Variants in FIG4 observed in about 807,000 individuals in gnomAD.
FIG4 encodes the protein FIG4 phosphoinositide 5-phosphatase.
In FIG4, 112 loss-of-function variants were observed where a neutral mutation model predicts 118.6. The ratio of observed to expected loss-of-function variants is 0.94; its 90% confidence interval spans 0.81 to 1.11. The LOEUF is 1.11. Among genes scored for constraint, FIG4 ranks in the 50% least tolerant of loss-of-function variants. The pLI is 0.00. For missense variants in FIG4, 969 were observed against 1,111.7 expected, an observed-to-expected ratio of 0.87 and a Z score of 1.83; for synonymous variants, 369 against 381.2, an observed-to-expected ratio of 0.97 and a Z score of 0.37.
rs1322802191 is a variant in FIG4 at position 109,822,783 on chromosome 6, GTATGTA to G, written c.2547-2301_2547-2296del. ...GAAGTGTATATATATGTGTGTGTGT[GTATGTA>G]TATATATATATATATATATATATAT... is the stretch of plus-strand genomic sequence containing the variant. On this transcript the variant is annotated intron_variant, in intron 22 of 22. Transcript: ENST00000230124. 2.1e-4 allele frequency among the ~76,000 whole-genome samples: 25 copies of G among 120,680 alleles called. 1 individual carries two copies. Among genetic ancestry groups the G allele is most frequent in the African/African-American group, 7.8e-4 (22 of 28,288 alleles). The allele number at this position is 120,680 out of a possible 152,430, so 79.2% of individuals were successfully genotyped here. A position where few individuals can be genotyped will look rare whatever the true frequency, so the allele number is the denominator to read the frequency against.
In FIG4 at chr6:109,792,669, G is replaced by A. The variant is rs367944508; in HGVS notation, c.2459+5G>A. On this transcript the variant is annotated splice_donor_5th_base_variant and intron_variant, in intron 21 of 22. Coordinates refer to ENST00000230124, the MANE Select transcript of FIG4 (RefSeq NM_014845.6). Reference sequence around the variant, plus strand: ...AGATTTCTCCATTTATTCAAGGTGAGATACTTTCATGTAGATATTAAAGAA... The same window carrying A: ...AGATTTCTCCATTTATTCAAGGTGAAATACTTTCATGTAGATATTAAAGAA... 97 of 1,473,546 alleles carry A rather than the reference G, an allele frequency of 6.6e-5. 1 individual carries two copies. The African/African-American group carries it at 1.3e-3, about 20-fold the overall frequency. 91.3% of individuals were successfully genotyped at this position (1,473,546 alleles called of 1,614,324 possible).
At position 109,756,669 on chromosome 6, in the gene FIG4, G is replaced by A. The variant is rs181021765; in HGVS notation, c.1138-3581G>A. Among the ~76,000 whole-genome samples the A allele has an allele frequency of 6.1e-3, 924 of 151,934 alleles. 7 individuals carry two copies. The highest frequency in any genetic ancestry group is 0.034 in the East Asian group (174 of 5,180). On this transcript the variant is annotated intron_variant, in intron 10 of 22. Coordinates refer to ENST00000230124, the MANE Select transcript of FIG4 (RefSeq NM_014845.6). ...CTTTTTTCTCTAAACTTCCCTTCTC[G>A]CTTCATTTCATTCATTTCATCTTCC...
At chr6:109,753,216 A>G (rs1314632585) in intron 10 of FIG4, among the ~76,000 whole-genome samples, 1 of 152,156 alleles carries the variant, frequency 6.6e-6, no homozygotes, top group Non-Finnish European at 1.5e-5. Flanking sequence ...TTCCGAGATC[A>G]GACGAGATCG....
chr6:109,802,367 A>G (rs907154087), intron 22 of FIG4, among the ~76,000 whole-genome samples: 33 of 152,208 alleles, frequency 2.2e-4, no homozygotes, highest in African/African-American at 7.2e-4. Context: ...CCTGCCATAC[A>G]TATTCTAGGT....
chr6:109,791,438 C>T lies in FIG4; in HGVS notation c.2243C>T (p.Pro748Leu). ...QRKTAASAPP[P>L]PSEEAVSSSS... ...AAAACGGCAGCCAGCGCCCCGCCGC[C>T]CCCCAGCGAGGAGGCTGTGTCCAGC... Residue 748 changes from proline (P) to leucine (L), a missense_variant, in exon 20 of 23, where the codon CCC becomes CTC. Pro to Leu is a moderately conservative substitution (Grantham distance 98). Coordinates refer to ENST00000230124, the MANE Select transcript of FIG4 (RefSeq NM_014845.6). 6.2e-7 allele frequency: 1 copy of T among 1,613,780 alleles called. No individual in the cohort carries two copies. The highest frequency in any genetic ancestry group is 8.5e-7 in the Non-Finnish European group (1 of 1,180,002).
intron 3 of FIG4, among the ~76,000 whole-genome samples, chr6:109,719,495 T>C (rs749127504): frequency 5.9e-5 from 9 of 152,024 alleles, no homozygotes; most frequent in Admixed American, 2.0e-4. Context: ...ATGATCTACC[T>C]GCCTCAGGCT....
rs1414480048 is a variant in FIG4, at chr6:109,760,399, C to T, written c.1271+16C>T. On this transcript the variant is annotated intron_variant, in intron 11 of 22. Transcript: ENST00000230124. ...ATACCAAAAGGTGAATGATACTCAT[C>T]TGTCTGGCTATGATCGTTTCCTTTT... 1 of 1,605,610 alleles carries T rather than the reference C, an allele frequency of 6.2e-7. No individual in the cohort carries two copies. Among genetic ancestry groups the T allele is most frequent in the African/African-American group, 1.3e-5 (1 of 74,632 alleles).
intron 19 of FIG4, among the ~76,000 whole-genome samples, chr6:109,790,806 GT>G (rs911310628): frequency 2.7e-5 from 4 of 149,450 alleles, no homozygotes; most frequent in Non-Finnish European, 5.9e-5. Context: ...TAAGTGTAGG[GT>G]TTTCCCCCCT....
At chr6:109,723,242 C>T (rs1187689005) in intron 3 of FIG4, among the ~76,000 whole-genome samples, 1 of 151,914 alleles carries the variant, frequency 6.6e-6, no homozygotes, top group African/African-American at 2.4e-5. Flanking sequence ...GAAGTGTCAC[C>T]TCTTCCCCAC....
rs113357544 is a variant in FIG4, at chr6:109,749,055, C to CTGTGTGTGTGTGTG, written c.1137+5319_1137+5332dup. On this transcript the variant is annotated intron_variant, in intron 10 of 22. Coordinates refer to ENST00000230124, the MANE Select transcript of FIG4 (RefSeq NM_014845.6). ...CTACATGCATGGGCTCAAAGGAGCTCTGTGTGTGTGTGTGTGTGTGTGTGT... is the reference window on the plus strand; with the variant it reads ...CTACATGCATGGGCTCAAAGGAGCTCTGTGTGTGTGTGTGTGTGTGTGTGTGTGTGTGTGTGTGT... Among the ~76,000 whole-genome samples the CTGTGTGTGTGTGTG allele has an allele frequency of 8.2e-3, 1,090 of 132,430 alleles. 10 individuals are homozygous for CTGTGTGTGTGTGTG. The highest frequency in any genetic ancestry group is 0.015 in the East Asian group (63 of 4,132). 86.9% of individuals were successfully genotyped at this position (132,430 alleles called of 152,430 possible). A position where few individuals can be genotyped will look rare whatever the true frequency, so the allele number is the denominator to read the frequency against.
intron 13 of FIG4, among the ~76,000 whole-genome samples, chr6:109,764,617 A>C (rs573783487): frequency 2.0e-4 from 31 of 152,188 alleles, no homozygotes; most frequent in Non-Finnish European, 1.2e-4. Flanking sequence ...ACTATGCTTT[A>C]AGAATGATAT....
chr6:109,700,142 A>G (rs938861140), intron 1 of FIG4, among the ~76,000 whole-genome samples: 1 of 152,230 alleles, frequency 6.6e-6, no homozygotes, highest in Non-Finnish European at 1.5e-5. Flanking sequence ...GAGGACACAG[A>G]CATGTATACC....
chr6:109,789,409 T>G (rs945461553), intron 18 of FIG4, among the ~76,000 whole-genome samples, 185 bp from the exon 19 acceptor site: 5 of 152,240 alleles, frequency 3.3e-5, no homozygotes, highest in Non-Finnish European at 7.3e-5. Context: ...TTAAGACTGA[T>G]AACATTGAAA....
chr6:109,813,628 T>G (rs1778780454), intron 22 of FIG4, among the ~76,000 whole-genome samples: 1 of 152,202 alleles, frequency 6.6e-6, no homozygotes, highest in Non-Finnish European at 1.5e-5. Context: ...GTGTGGTAGC[T>G]CACCTTCAAG....
At chr6:109,760,498 C>T in intron 11 of FIG4, 115 bp downstream of exon 11, 1 of 989,670 alleles carries the variant, frequency 1.0e-6, no homozygotes, top group Non-Finnish European at 1.6e-6. Flanking sequence ...CCTTCATGAA[C>T]CTGTTGAGGG....
chr6:109,769,788 G>C (rs1274808341), intron 15 of FIG4, among the ~76,000 whole-genome samples: 1 of 152,128 alleles, frequency 6.6e-6, no homozygotes, highest in Non-Finnish European at 1.5e-5. Flanking sequence ...GCATGGTAGT[G>C]CACACCTGTA....
At chr6:109,701,547 TG>T (rs1197810185) in intron 1 of FIG4, among the ~76,000 whole-genome samples, 6 of 152,332 alleles carry the variant, frequency 3.9e-5, no homozygotes, top group African/African-American at 1.4e-4. Context: ...TAGGTCTGCA[TG>T]TGTCTATTTA....
chr6:109,732,454 C>T (rs1337771061), intron 4 of FIG4, among the ~76,000 whole-genome samples, 183 bp from the exon 5 acceptor site: 1 of 152,164 alleles, frequency 6.6e-6, no homozygotes, highest in East Asian at 1.9e-4. Flanking sequence ...AGTTAAAGGT[C>T]TCCAAAGGGA....
chr6:109,727,286 C>CTT (rs11459279), intron 4 of FIG4, 21 bp downstream of exon 4: 63,799 of 1,252,300 alleles, frequency 0.051, no homozygotes, highest in Non-Finnish European at 0.056. Flanking sequence ...TGGTAACTAC[C>CTT]TTTTTTTTTT....
Sources: gnomAD v4.1 joint callset for allele counts (sites outside exome capture counted in the v4.1 genomes callset) on GRCh38, gnomAD v4.1.1 for gene constraint, MANE v1.5 for transcripts, NCBI Gene and HGNC (gene_info 2026-07-23, HGNC 2026-07-21) for gene names.